FHIT: variants seen among roughly 807,000 people sequenced by gnomAD.
The protein encoded by FHIT is bis(5'-adenosyl)-triphosphatase.
FHIT carries 19 observed loss-of-function variants against 17.9 expected under a neutral mutation model. The ratio of observed to expected loss-of-function variants is 1.06; its 90% CI spans 0.74 to 1.56. The LOEUF (loss-of-function observed/expected upper bound fraction) is 1.56, where lower values mean the gene tolerates loss of function less well. Ranked by LOEUF, FHIT falls within the 40% of genes most tolerant of loss-of-function variation. FHIT has a pLI of 0.00. For synonymous variants in FHIT, 81 were observed against 69.7 expected (o/e 1.16, Z -0.81); for missense variants, 248 against 189.2 (o/e 1.31, Z -1.82).
At chr3:60,905,331 T>C (rs1311275282) in intron 3 of FHIT, among the ~76,000 whole-genome samples, 2 of 152,182 alleles carry the variant, frequency 1.3e-5, no homozygotes, top group African/African-American at 2.4e-5. Flanking sequence ...CAACAGTTCC[T>C]CTCAGGCATT....
chr3:60,027,239 GA>G (rs34436887), intron 5 of FHIT, among the ~76,000 whole-genome samples: 7 of 150,724 alleles, frequency 4.6e-5, no homozygotes, highest in African/African-American at 1.2e-4. Flanking sequence ...GTATATAACT[GA>G]AAAAAAATAT....
chr3:60,371,434 G>A (rs889251283), intron 5 of FHIT, among the ~76,000 whole-genome samples: 7 of 151,626 alleles, frequency 4.6e-5, no homozygotes, highest in African/African-American at 9.7e-5. Flanking sequence ...CATAACTCAC[G>A]GCAAACTTGA....
intron 2 of FHIT, among the ~76,000 whole-genome samples, chr3:61,140,540 T>A (rs2037051439): frequency 6.6e-6 from 1 of 152,132 alleles, no homozygotes; most frequent in South Asian, 2.1e-4. Context: ...CTGGGTCCTA[T>A]TAACCTAGCA....
intron 5 of FHIT, among the ~76,000 whole-genome samples, chr3:60,018,597 TAG>T (rs150355969): frequency 0.025 from 3,756 of 152,274 alleles, 145 homozygotes; most frequent in African/African-American, 0.083. Flanking sequence ...TCAGACCTTC[TAG>T]AGTCAGGAGA....
At chr3:60,657,591 C>T (rs1167645823) in intron 4 of FHIT, among the ~76,000 whole-genome samples, 1 of 152,146 alleles carries the variant, frequency 6.6e-6, no homozygotes. Flanking sequence ...AGTGAAAGTA[C>T]TGCTATTGAC....
chr3:60,450,909 C>G (rs1195001143), intron 5 of FHIT, among the ~76,000 whole-genome samples: 2 of 152,096 alleles, frequency 1.3e-5, no homozygotes, highest in African/African-American at 4.8e-5. Context: ...AAATAGTAGA[C>G]TATTTTTCTC....
At chr3:60,540,414 G>GC (rs2036147944) in intron 4 of FHIT, among the ~76,000 whole-genome samples, 1 of 152,210 alleles carries the variant, frequency 6.6e-6, no homozygotes, top group African/African-American at 2.4e-5. Context: ...CAGAGGCCCA[G>GC]ACTTGCAACT....
At chr3:60,248,463 T>A (rs1281268313) in intron 5 of FHIT, among the ~76,000 whole-genome samples, 1 of 152,116 alleles carries the variant, frequency 6.6e-6, no homozygotes, top group East Asian at 1.9e-4. Context: ...ATGGAATGAT[T>A]CTTGGCTTTA....
intron 5 of FHIT, among the ~76,000 whole-genome samples, chr3:60,378,410 A>G (rs560791077): frequency 6.6e-6 from 1 of 152,310 alleles, no homozygotes; most frequent in Admixed American, 6.5e-5. Flanking sequence ...TTCAGGAGGC[A>G]CTCTGCCTTG....
At chr3:60,842,430 G>T (rs568575891) in intron 3 of FHIT, among the ~76,000 whole-genome samples, 10 of 151,500 alleles carry the variant, frequency 6.6e-5, no homozygotes, top group Middle Eastern at 3.4e-3. Context: ...TTCACTCATT[G>T]CTAACACTTT....
chr3:60,974,917 C>T (rs1401637089), intron 3 of FHIT, among the ~76,000 whole-genome samples: 1 of 152,068 alleles, frequency 6.6e-6, no homozygotes, highest in African/African-American at 2.4e-5. Context: ...CCTCACAGAG[C>T]TTAGTTATTT....
chr3:60,044,013 T>C (rs1701550905), intron 5 of FHIT, among the ~76,000 whole-genome samples: 3 of 152,176 alleles, frequency 2.0e-5, no homozygotes, highest in South Asian at 2.1e-4. Flanking sequence ...AAAGTACTTA[T>C]CCAAAATCCA....
At chr3:61,147,404 C>T (rs1038286779) in intron 2 of FHIT, among the ~76,000 whole-genome samples, 3 of 151,860 alleles carry the variant, frequency 2.0e-5, no homozygotes, top group Admixed American at 6.6e-5. Context: ...TTTCCTTTGA[C>T]GGTAGAAAAA....
intron 5 of FHIT, among the ~76,000 whole-genome samples, chr3:60,036,022 T>C (rs212065): frequency 0.77 from 117,169 of 152,144 alleles, 46,156 homozygotes; most frequent in Middle Eastern, 0.87. Context: ...CCAGCTCAAA[T>C]ACTGTTAGGA....
chr3:59,977,049 T>C (rs1263892227), intron 7 of FHIT, among the ~76,000 whole-genome samples: 1 of 152,114 alleles, frequency 6.6e-6, no homozygotes, highest in Admixed American at 6.6e-5. Flanking sequence ...TGAAATTATC[T>C]TGGAATGTGC....
chr3:61,138,689 G>A (rs1358299744), intron 2 of FHIT, among the ~76,000 whole-genome samples: 1 of 152,180 alleles, frequency 6.6e-6, no homozygotes, highest in African/African-American at 2.4e-5. Flanking sequence ...TTCTAACTCG[G>A]CTAATGTGGC....
intron 8 of FHIT, among the ~76,000 whole-genome samples, chr3:59,804,860 C>T (rs796588363): frequency 1.3e-5 from 2 of 152,188 alleles, no homozygotes; most frequent in Non-Finnish European, 2.9e-5. Context: ...AAGTGCAGAG[C>T]GAACAGCCGA....
chr3:60,711,893 C>T (rs1359956160), intron 4 of FHIT, among the ~76,000 whole-genome samples: 1 of 152,080 alleles, frequency 6.6e-6, no homozygotes, highest in Non-Finnish European at 1.5e-5. Context: ...GCAAGGCAGG[C>T]CAACATTCAG....
At chr3:60,227,491 G>A (rs1474788049) in intron 5 of FHIT, among the ~76,000 whole-genome samples, 1 of 152,044 alleles carries the variant, frequency 6.6e-6, no homozygotes, top group African/African-American at 2.4e-5. Flanking sequence ...CATTTCCCTT[G>A]GAATTTGAGG....
Sources: allele counts gnomAD v4.1 joint callset (sites outside exome capture counted in the v4.1 genomes callset), GRCh38; gene constraint gnomAD v4.1.1; transcripts MANE v1.5; gene names NCBI Gene and HGNC (gene_info 2026-07-23, HGNC 2026-07-21).